Variants in FANCB observed in about 807,000 individuals in gnomAD.
FANCB encodes the protein Fanconi anemia group B protein.
FANCB carries 5 observed loss-of-function variants against 38.9 expected under a neutral mutation model. That is an observed-to-expected ratio of 0.13 (90% confidence interval 0.07 to 0.27). The LOEUF (loss-of-function observed/expected upper bound fraction) is 0.27. Ranked by LOEUF, FANCB falls within the 10% of genes least tolerant of loss-of-function variation. The probability of loss-of-function intolerance (pLI) is 1.00; values close to 1 mark genes in which losing one functional copy is unlikely to be tolerated. For missense variants in FANCB, 573 were observed against 602.7 expected (o/e 0.95, Z 0.52); for synonymous variants, 236 against 215.4 (o/e 1.10, Z -0.84).
the FANCB span, among the ~76,000 whole-genome samples, chrX:14,774,289 C>A: frequency 2.7e-5 from 3 of 111,474 alleles, no homozygotes; most frequent in African/African-American, 9.8e-5. Context: ...ACAAGTGCTA[C>A]TAGATATTAA....
intron 3 of FANCB, among the ~76,000 whole-genome samples, chrX:14,862,984 T>G (rs1242914771): frequency 1.8e-5 from 2 of 112,342 alleles, no homozygotes; most frequent in Non-Finnish European, 3.8e-5. Flanking sequence ...TCCAAATAAC[T>G]TTCAAATAAA....
chrX:14,730,065 T>C, the FANCB span: 1 of 501,934 alleles, frequency 2.0e-6, no homozygotes, highest in Non-Finnish European at 3.5e-6. Context: ...GAGTTGAACT[T>C]GAAAGAGAAC....
chrX:14,840,563 GA>G (rs1347192282), downstream of FANCB, among the ~76,000 whole-genome samples: 1 of 111,655 alleles, frequency 9.0e-6, no homozygotes, highest in Admixed American at 9.5e-5. Context: ...GTTTCAGTAA[GA>G]AAAAAAGTGA....
the FANCB span, among the ~76,000 whole-genome samples, chrX:14,722,709 T>C: frequency 1.8e-5 from 2 of 111,736 alleles, no homozygotes; most frequent in Non-Finnish European, 3.8e-5. Flanking sequence ...CTGCTTCTCT[T>C]CTCTTTGCCT....
downstream of FANCB, among the ~76,000 whole-genome samples, chrX:14,831,947 A>G (rs1212177551): frequency 8.9e-6 from 1 of 111,791 alleles, no homozygotes; most frequent in Non-Finnish European, 1.9e-5. Flanking sequence ...ATTTAGGAGA[A>G]CAGACTGACC....
chrX:14,812,527 C>T, the FANCB span, among the ~76,000 whole-genome samples: 1 of 112,037 alleles, frequency 8.9e-6, no homozygotes, highest in Non-Finnish European at 1.9e-5. Context: ...TCAGAGAATA[C>T]TACAAACACC....
At chrX:14,829,600 C>G in the FANCB span, among the ~76,000 whole-genome samples, 83 of 111,903 alleles carry the variant, frequency 7.4e-4, 1 homozygote, top group Non-Finnish European at 1.4e-3. Flanking sequence ...TCAGTACTTG[C>G]TGCTTCACCT....
At chrX:14,746,430 T>C in the FANCB span, among the ~76,000 whole-genome samples, 1 of 112,181 alleles carries the variant, frequency 8.9e-6, no homozygotes, top group Non-Finnish European at 1.9e-5. Flanking sequence ...GATGAAAGGA[T>C]AAAAGAAGAA....
chrX:14,771,373 T>C, the FANCB span, among the ~76,000 whole-genome samples: 2 of 111,541 alleles, frequency 1.8e-5, no homozygotes, highest in Non-Finnish European at 3.8e-5. Context: ...CTGTCTTATT[T>C]CAGACAGAGC....
At chrX:14,813,115 AC>A in the FANCB span, among the ~76,000 whole-genome samples, 2 of 106,728 alleles carry the variant, frequency 1.9e-5, no homozygotes, top group Non-Finnish European at 3.8e-5. Flanking sequence ...AAATTCAACA[AC>A]CCTTCATGCT....
the FANCB span, among the ~76,000 whole-genome samples, chrX:14,698,295 T>C: frequency 8.9e-6 from 1 of 111,758 alleles, no homozygotes; most frequent in African/African-American, 3.3e-5. Flanking sequence ...TTTCCCCTAG[T>C]TTGGGGCCCA....
chrX:14,697,358 T>G, the FANCB span, among the ~76,000 whole-genome samples: 1 of 112,128 alleles, frequency 8.9e-6, no homozygotes, highest in African/African-American at 3.2e-5. Flanking sequence ...GGAAACGGGT[T>G]TGGTTGACCT....
At chrX:14,797,729 A>C in the FANCB span, among the ~76,000 whole-genome samples, 1 of 109,804 alleles carries the variant, frequency 9.1e-6, no homozygotes, top group Non-Finnish European at 1.9e-5. Context: ...TAAGTCATTA[A>C]ATCTAACCCA....
At chrX:14,737,413 T>C in the FANCB span, among the ~76,000 whole-genome samples, 1 of 112,181 alleles carries the variant, frequency 8.9e-6, no homozygotes, top group Non-Finnish European at 1.9e-5. Context: ...TTTAAACCTA[T>C]TCAAATATTG....
chrX:14,757,821 T>G, the FANCB span, among the ~76,000 whole-genome samples: 1 of 111,613 alleles, frequency 9.0e-6, no homozygotes, highest in African/African-American at 3.3e-5. Context: ...ATGCAAAGTT[T>G]CCTGGACAGA....
chrX:14,823,804 A>G, the FANCB span, among the ~76,000 whole-genome samples: 2 of 111,606 alleles, frequency 1.8e-5, no homozygotes, highest in Admixed American at 1.9e-4. Context: ...ATCATTCCAG[A>G]AAGTTTCCAT....
the FANCB span, among the ~76,000 whole-genome samples, chrX:14,705,381 T>C: frequency 5.4e-5 from 6 of 111,086 alleles, no homozygotes; most frequent in Non-Finnish European, 1.1e-4. Flanking sequence ...CAACTTGGGG[T>C]TGGGGACTGT....
rs148560784 is a variant in FANCB at position 14,844,966 on chromosome X, C to T, written c.1817G>A (p.Ser606Asn). Residue 606 changes from serine to asparagine, a missense_variant, in exon 8 of 10, where the codon AGT becomes AAT. Coordinates refer to ENST00000650831, the MANE Select transcript of FANCB (RefSeq NM_001018113.3). ...ATAACGATCTTTAGGACAGTTACCA[C>T]TTTCTCTCTCCATAATTTGTAGCAG... Reference protein sequence around the residue: ...TVLLQIMERESGNCPKDRYVV... With the variant: ...TVLLQIMERENGNCPKDRYVV... 47 of 1,203,748 alleles carry T rather than the reference C, an allele frequency of 3.9e-5. No homozygotes were observed. Among genetic ancestry groups the T allele is most frequent in the Middle Eastern group, 4.6e-4 (2 of 4,345 alleles).
chrX:14,833,827 T>C (rs1208456902), downstream of FANCB, among the ~76,000 whole-genome samples: 2 of 111,018 alleles, frequency 1.8e-5, no homozygotes, highest in African/African-American at 3.3e-5. Context: ...CCACTATTTA[T>C]ATATGTACAC....
Sources: gnomAD v4.1 joint callset for allele counts (sites outside exome capture counted in the v4.1 genomes callset) on GRCh38, gnomAD v4.1.1 for gene constraint, MANE v1.5 for transcripts, NCBI Gene and HGNC (gene_info 2026-07-23, HGNC 2026-07-21) for gene names.